ARID2: variants seen among roughly 807,000 people sequenced by gnomAD.
ARID2 encodes AT-rich interactive domain-containing protein 2.
Under a neutral mutation model 184.6 loss-of-function variants are expected in ARID2, and 32 were observed. That is an observed-to-expected ratio of 0.17 (90% CI 0.13 to 0.23). ARID2 has a LOEUF of 0.23. Among genes scored for constraint, ARID2 ranks in the 10% least tolerant of loss-of-function variants. The pLI, the probability that ARID2 is intolerant of heterozygous loss-of-function variation, is 1.00. For missense variants in ARID2, 1,696 were observed against 2,197.6 expected (o/e 0.77, Z 4.56); for synonymous variants, 836 against 772.6 (o/e 1.08, Z -1.36).
At chr12:45,774,562 G>A (rs867184078) in intron 3 of ARID2, among the ~76,000 whole-genome samples, 1 of 152,058 alleles carries the variant, frequency 6.6e-6, no homozygotes, top group Admixed American at 6.6e-5. Context: ...AATATGAATT[G>A]TGGCATACTT....
chr12:45,784,184 T>C (rs1942149535), intron 3 of ARID2, among the ~76,000 whole-genome samples: 1 of 152,138 alleles, frequency 6.6e-6, no homozygotes, highest in South Asian at 2.1e-4. Flanking sequence ...TATTTTTATT[T>C]ATTTAGTTAT....
At chr12:45,738,565 C>T (rs1941176774) in intron 3 of ARID2, among the ~76,000 whole-genome samples, 1 of 152,190 alleles carries the variant, frequency 6.6e-6, no homozygotes, top group Non-Finnish European at 1.5e-5. Flanking sequence ...CCCATCTTGA[C>T]CTCCCAAAGT....
chr12:45,782,902 A>C (rs1473344734), intron 3 of ARID2, among the ~76,000 whole-genome samples: 1 of 151,684 alleles, frequency 6.6e-6, no homozygotes, highest in Non-Finnish European at 1.5e-5. Context: ...TGAGCTCAGG[A>C]GTTCGAGACC....
At chr12:45,759,170 A>G (rs1483627372) in intron 3 of ARID2, among the ~76,000 whole-genome samples, 1 of 152,130 alleles carries the variant, frequency 6.6e-6, no homozygotes, top group Non-Finnish European at 1.5e-5. Context: ...ATTACTTTTT[A>G]AGTATATTGT....
intron 3 of ARID2, among the ~76,000 whole-genome samples, chr12:45,800,796 G>T (rs1942484406): frequency 6.6e-6 from 1 of 152,076 alleles, no homozygotes; most frequent in Admixed American, 6.6e-5. Context: ...GTACATAGGA[G>T]CCAGCTTGAA....
intron 3 of ARID2, among the ~76,000 whole-genome samples, chr12:45,801,978 A>G (rs1942511686): frequency 6.6e-6 from 1 of 152,134 alleles, no homozygotes; most frequent in Non-Finnish European, 1.5e-5. Flanking sequence ...GCCTACAGAA[A>G]CTTAAGGGAG....
At chr12:45,761,422 T>C (rs972720583) in intron 3 of ARID2, among the ~76,000 whole-genome samples, 8 of 152,320 alleles carry the variant, frequency 5.3e-5, no homozygotes, top group Middle Eastern at 3.4e-3. Flanking sequence ...GTGGTAAACA[T>C]TGAGGCATTG....
chr12:45,736,849 T>A (rs901838620), intron 3 of ARID2, among the ~76,000 whole-genome samples: 56 of 152,320 alleles, frequency 3.7e-4, no homozygotes, highest in African/African-American at 1.2e-3. Flanking sequence ...TGTGGATCTC[T>A]AGACATTTTG....
rs749745926 is a variant in ARID2, at chr12:45,852,700, C to A, written c.4577C>A (p.Thr1526Lys). ...CCAGCAGAGGATACTGATAGGGAAACAGTCGCAGGAATTCCAAATAAAGTA... is the reference window on the plus strand; with the variant it reads ...CCAGCAGAGGATACTGATAGGGAAAAAGTCGCAGGAATTCCAAATAAAGTA... ...KRPAEDTDRE[T>K]VAGIPNKVGV... The change falls in exon 15 of 21, where the codon ACA becomes AAA. Residue 1526 changes from threonine to lysine, a missense_variant. By Grantham distance (78) the Thr-to-Lys change is moderately conservative. Around this residue, in one of 11 missense-constraint regions of ARID2, gnomAD observed 111 missense variants for 154.0 expected, o/e 0.72. Transcript: ENST00000334344. The A allele has an allele frequency of 6.2e-7, 1 of 1,614,028 alleles. No individual in the cohort carries two copies. The highest frequency in any genetic ancestry group is 1.1e-5 in the South Asian group (1 of 91,092).
chr12:45,892,088 T>C lies in ARID2; in HGVS notation c.5139T>C (p.Ser1713=). 1 of 1,613,198 alleles carries C rather than the reference T, an allele frequency of 6.2e-7. No homozygotes were observed. The highest frequency in any genetic ancestry group is 1.3e-5 in the African/African-American group (1 of 75,002). Residue 1713 remains serine (S), a synonymous_variant, in exon 18 of 21, where the codon TCT becomes TCC. Coordinates refer to ENST00000334344, the MANE Select transcript of ARID2 (RefSeq NM_152641.4). ...DEPGQAGSQK[S]STKQPTVGGT... ...CAGGACAAGCAGGAAGTCAGAAGTC[T>C]TCTACCAAGTAAGGAAAATGAGTTT...
chr12:45,771,941 A>G (rs1224604676), intron 3 of ARID2, among the ~76,000 whole-genome samples: 1 of 152,150 alleles, frequency 6.6e-6, no homozygotes, highest in East Asian at 1.9e-4. Flanking sequence ...TATAACAAGT[A>G]TTGTTCAGCT....
chr12:45,743,464 T>TA (rs1440984571), intron 3 of ARID2, among the ~76,000 whole-genome samples: 1 of 152,208 alleles, frequency 6.6e-6, no homozygotes, highest in African/African-American at 2.4e-5. Context: ...ATTGAACTCT[T>TA]ACTTTCAAGC....
At position 45,850,046 on chromosome 12, in the gene ARID2, T is replaced by G. The variant is rs1279993622; in HGVS notation, c.1923T>G (p.His641Gln). ...TCTTCATATTTTCAGGAATCCCTCA[T>G]GGATCACAAACCATAGGAAACCATT... is the stretch of plus-strand genomic sequence containing the variant. ...SPAPSPAGIP[H>Q]GSQTIGNHFQ... Residue 641 changes from histidine to glutamine, a missense_variant, in exon 15 of 21, where the codon CAT (histidine) becomes CAG (glutamine). Physicochemically the swap from His to Gln is conservative, Grantham distance 24. Transcript: ENST00000334344. The G allele has an allele frequency of 2.5e-6, 4 of 1,605,892 alleles. 1 individual carries two copies. The highest frequency in any genetic ancestry group is 4.5e-5 in the East Asian group (2 of 44,730).
At chr12:45,816,683 A>G (rs796892459) in intron 4 of ARID2, among the ~76,000 whole-genome samples, 3 of 152,308 alleles carry the variant, frequency 2.0e-5, no homozygotes, top group Admixed American at 6.5e-5. Context: ...ACGTCCCTCA[A>G]CTAGGGAATG....
chr12:45,891,320 G>A (rs1944298191), intron 16 of ARID2, among the ~76,000 whole-genome samples: 1 of 152,150 alleles, frequency 6.6e-6, no homozygotes, highest in Admixed American at 6.5e-5. Context: ...TCAGTTTTGT[G>A]TGCTTTGCCA....
At chr12:45,795,901 C>T (rs1942384615) in intron 3 of ARID2, among the ~76,000 whole-genome samples, 1 of 152,110 alleles carries the variant, frequency 6.6e-6, no homozygotes, top group Non-Finnish European at 1.5e-5. Flanking sequence ...ACTACTACTG[C>T]CTCAATAAAT....
intron 16 of ARID2, among the ~76,000 whole-genome samples, chr12:45,888,315 C>G (rs1246596599): frequency 3.3e-5 from 5 of 151,926 alleles, no homozygotes; most frequent in African/African-American, 1.2e-4. Flanking sequence ...CAGAGGAAGA[C>G]AAGCTCTAAA....
rs775169446 is a variant in ARID2, at chr12:45,730,171, G to T, written c.186+34G>T. 9.3e-6 allele frequency: 15 copies of T among 1,604,446 alleles called. No homozygotes were observed. In the South Asian group the frequency reaches 1.7e-4, roughly 18 times the overall value. ...AAGTTTTAATTTGTATTTCCCTCTC[G>T]CTGGCCTCCTCCAAAAAGTCTCCTT... On this transcript the variant is annotated intron_variant, in intron 2 of 20. Transcript: ENST00000334344.
At chr12:45,837,967 T>C (rs1943251646) in intron 10 of ARID2, among the ~76,000 whole-genome samples, 1 of 152,240 alleles carries the variant, frequency 6.6e-6, no homozygotes, top group Non-Finnish European at 1.5e-5. Context: ...AATATACAAC[T>C]CTGGAAGAAG....
Sources: allele counts gnomAD v4.1 joint callset (sites outside exome capture counted in the v4.1 genomes callset), GRCh38; gene constraint gnomAD v4.1.1; regional missense constraint gnomAD v4.1.1; transcripts MANE v1.5; gene names NCBI Gene and HGNC (gene_info 2026-07-23, HGNC 2026-07-21).